Variants in EPHA6 observed in about 807,000 individuals in gnomAD.
EPHA6 encodes ephrin type-A receptor 6.
A neutral mutation model predicts 112.0 loss-of-function variants in EPHA6; 50 were observed. That is an observed-to-expected ratio of 0.45 (90% CI 0.36 to 0.56). The LOEUF (loss-of-function observed/expected upper bound fraction) is 0.56. Ranked by LOEUF, EPHA6 falls within the 20% of genes least tolerant of loss-of-function variation. The pLI is 0.00. For missense variants in EPHA6, 1,280 were observed against 1,417.4 expected (o/e 0.90, Z 1.56); for synonymous variants, 529 against 490.7 (o/e 1.08, Z -1.03).
At chr3:97,480,235 A>T (rs58343927) in intron 9 of EPHA6, among the ~76,000 whole-genome samples, 10 of 149,352 alleles carry the variant, frequency 6.7e-5, no homozygotes, top group Non-Finnish European at 8.9e-5. Context: ...TTATTTATTT[A>T]TTTTTTTTAG....
intron 2 of EPHA6, among the ~76,000 whole-genome samples, chr3:96,888,126 A>G (rs73131542): frequency 6.6e-6 from 1 of 152,160 alleles, no homozygotes; most frequent in Non-Finnish European, 1.5e-5. Flanking sequence ...CACCCCATTT[A>G]GATTGCTAGA....
At chr3:97,497,630 A>C (rs893368437) in intron 10 of EPHA6, among the ~76,000 whole-genome samples, 33 of 152,296 alleles carry the variant, frequency 2.2e-4, no homozygotes, top group African/African-American at 7.5e-4. Context: ...TGTGGTAGGC[A>C]CTATATAAAT....
chr3:97,059,534 A>C (rs1379145799), intron 3 of EPHA6, among the ~76,000 whole-genome samples: 1 of 151,956 alleles, frequency 6.6e-6, no homozygotes, highest in Non-Finnish European at 1.5e-5. Context: ...ATGTGGGGAC[A>C]CAGGAAAAAT....
chr3:97,077,899 G>T (rs2046587056), intron 3 of EPHA6, among the ~76,000 whole-genome samples: 1 of 152,124 alleles, frequency 6.6e-6, no homozygotes, highest in South Asian at 2.1e-4. Context: ...AATCCTTTGG[G>T]TATATACCCA....
intron 2 of EPHA6, among the ~76,000 whole-genome samples, chr3:96,937,547 T>G (rs2040664334): frequency 6.6e-6 from 1 of 152,174 alleles, no homozygotes. Context: ...TTTCTCCTAT[T>G]TTGTAGGTTG....
chr3:97,585,866 G>A (rs1473109492), intron 11 of EPHA6, among the ~76,000 whole-genome samples: 1 of 152,140 alleles, frequency 6.6e-6, no homozygotes, highest in East Asian at 1.9e-4. Flanking sequence ...TATTAAAAAT[G>A]TATGTCATAG....
rs199708702 is a variant in EPHA6 at position 97,071,386 on chromosome 3, A to AT, written c.1114+83394dup. On this transcript the variant is annotated intron_variant, in intron 3 of 17. Coordinates refer to ENST00000389672, the MANE Select transcript of EPHA6 (RefSeq NM_001080448.3). The stretch of plus-strand genomic sequence containing the variant: ...TTTAATTTTGTGTTAGTCCGTTTTT[A>AT]TGCTGCTGATAAAGACATACCATAG... Among the ~76,000 whole-genome samples the AT allele has an allele frequency of 6.4e-3, 980 of 152,078 alleles. 8 individuals carry two copies. Among genetic ancestry groups the AT allele is most frequent in the African/African-American group, 0.021 (887 of 41,472 alleles).
At chr3:96,818,529 T>C (rs1301562966) in intron 1 of EPHA6, among the ~76,000 whole-genome samples, 1 of 151,996 alleles carries the variant, frequency 6.6e-6, no homozygotes, top group Non-Finnish European at 1.5e-5. Context: ...TTTATTAATT[T>C]GAGCGAATCA....
At chr3:96,898,945 G>A (rs892654782) in intron 2 of EPHA6, among the ~76,000 whole-genome samples, 15 of 151,338 alleles carry the variant, frequency 9.9e-5, no homozygotes, top group African/African-American at 3.4e-4. Flanking sequence ...GGAGAATGGC[G>A]TGAACCCGGG....
chr3:97,369,230 T>C lies in EPHA6; in HGVS notation c.1607-35920T>C, dbSNP rs1052146542. 6.6e-5 allele frequency among the ~76,000 whole-genome samples: 10 copies of C among 152,270 alleles called. 1 individual carries two copies. In the South Asian group the frequency reaches 2.1e-3, roughly 32 times the overall value. The stretch of plus-strand genomic sequence containing the variant: ...ATTTGGATTATATTTTAAGTTCTTT[T>C]TGGAAGACACTGAAAGTTTCAAATG... On this transcript the variant is annotated intron_variant, in intron 5 of 17. Coordinates refer to ENST00000389672, the MANE Select transcript of EPHA6 (RefSeq NM_001080448.3).
At chr3:96,939,456 C>A (rs1457541615) in intron 2 of EPHA6, among the ~76,000 whole-genome samples, 2 of 152,000 alleles carry the variant, frequency 1.3e-5, no homozygotes, top group African/African-American at 4.8e-5. Context: ...GGTAATATCC[C>A]CTTTATCATT....
chr3:97,579,474 A>G (rs1414928266), intron 11 of EPHA6, among the ~76,000 whole-genome samples: 1 of 152,192 alleles, frequency 6.6e-6, no homozygotes, highest in Non-Finnish European at 1.5e-5. Flanking sequence ...TGTGCCATTT[A>G]GTAAATTACA....
At chr3:97,182,222 G>T (rs1373376317) in intron 3 of EPHA6, among the ~76,000 whole-genome samples, 2 of 151,522 alleles carry the variant, frequency 1.3e-5, no homozygotes, top group Non-Finnish European at 2.9e-5. Context: ...ATCATTTCTA[G>T]TTTGTTCTCA....
At chr3:97,501,755 G>A (rs753830663) in intron 10 of EPHA6, among the ~76,000 whole-genome samples, 2 of 151,898 alleles carry the variant, frequency 1.3e-5, no homozygotes, top group Non-Finnish European at 2.9e-5. Context: ...GAATATTAAA[G>A]AGCTAAGAAT....
intron 1 of EPHA6, among the ~76,000 whole-genome samples, chr3:96,860,059 A>G (rs558474056): frequency 8.9e-4 from 136 of 152,268 alleles, no homozygotes; most frequent in Non-Finnish European, 1.6e-3. Context: ...CAGACTTTCT[A>G]TATCCTATAG....
chr3:97,195,772 A>G (rs1289502665), intron 3 of EPHA6, among the ~76,000 whole-genome samples: 1 of 152,074 alleles, frequency 6.6e-6, no homozygotes, highest in Non-Finnish European at 1.5e-5. Context: ...ATTTTAGGGT[A>G]AAAGTTTTTT....
intron 12 of EPHA6, among the ~76,000 whole-genome samples, chr3:97,597,457 T>C (rs979272025): frequency 1.3e-5 from 2 of 151,958 alleles, no homozygotes; most frequent in Non-Finnish European, 2.9e-5. Flanking sequence ...TTTAATATTG[T>C]TTATTTATTT....
chr3:97,142,051 T>C (rs1412350720), intron 3 of EPHA6, among the ~76,000 whole-genome samples: 1 of 151,980 alleles, frequency 6.6e-6, no homozygotes, highest in Non-Finnish European at 1.5e-5. Flanking sequence ...GTTCTGTTTT[T>C]AGTGGTGGTA....
intron 7 of EPHA6, chr3:97,466,361 C>T (rs1457253501): frequency 3.1e-6 from 5 of 1,607,880 alleles, no homozygotes; most frequent in Non-Finnish European, 3.4e-6. Flanking sequence ...TCGCCCTGCC[C>T]CATATCAGCA....
Sources: gnomAD v4.1 joint callset for allele counts (sites outside exome capture counted in the v4.1 genomes callset) on GRCh38, gnomAD v4.1.1 for gene constraint, MANE v1.5 for transcripts, NCBI Gene and HGNC (gene_info 2026-07-23, HGNC 2026-07-21) for gene names.